SSUH2: variants seen among roughly 807,000 people sequenced by gnomAD.
The protein encoded by SSUH2 is ssu-2 homolog.
Under a neutral mutation model 55.3 loss-of-function variants are expected in SSUH2, and 47 were observed. The ratio of observed to expected loss-of-function variants is 0.85; its 90% confidence interval spans 0.67 to 1.08. SSUH2 has a LOEUF of 1.08. Among genes scored for constraint, SSUH2 ranks in the 50% least tolerant of loss-of-function variants. SSUH2 has a pLI of 0.00. For missense variants in SSUH2, 535 were observed against 490.7 expected, an observed-to-expected ratio of 1.09 and a Z score of -0.85; for synonymous variants, 212 against 191.5, an observed-to-expected ratio of 1.11 and a Z score of -0.89.
At chr3:8,678,569 A>AG (rs1191187667) in intron 2 of SSUH2, among the ~76,000 whole-genome samples, 1 of 81,366 alleles carries the variant, frequency 1.2e-5, no homozygotes, top group African/African-American at 4.5e-5. Context: ...CCAATCACAG[A>AG]GGGGGGAACA....
intron 4 of SSUH2, 88 bp from the exon 5 acceptor site, chr3:8,632,197 G>A: frequency 1.8e-6 from 2 of 1,108,296 alleles, no homozygotes; most frequent in Non-Finnish European, 2.7e-6. Flanking sequence ...ACCCTCCCAG[G>A]GCTCAGTGGG....
rs115418482 is a variant in SSUH2, at chr3:8,631,266, G to A, written c.401-337C>T. On this transcript the variant is annotated intron_variant, in intron 5 of 11. Coordinates refer to ENST00000544814, the MANE Select transcript of SSUH2 (RefSeq NM_001256748.3). Reference sequence around the variant, plus strand: ...AGATGGTAGTGAAAATTAAACGGAAGAATGTATATAAAATTGTTAGCACCA... The same window carrying A: ...AGATGGTAGTGAAAATTAAACGGAAAAATGTATATAAAATTGTTAGCACCA... 6.5e-3 allele frequency among the ~76,000 whole-genome samples: 986 copies of A among 152,288 alleles called. 9 individuals are homozygous for A. The highest frequency in any genetic ancestry group is 0.022 in the African/African-American group (928 of 41,564).
In SSUH2 at chr3:8,644,705, C is replaced by T. The variant is rs759780707; in HGVS notation, c.28+26G>A. 72 of 1,533,388 alleles carry T rather than the reference C, an allele frequency of 4.7e-5. 1 individual carries two copies. The African/African-American group carries it at 5.1e-4, about 11-fold the overall frequency. 95.0% of individuals were successfully genotyped at this position (1,533,388 alleles called of 1,614,324 possible). On this transcript the variant is annotated intron_variant, in intron 1 of 11. Coordinates refer to ENST00000544814, the MANE Select transcript of SSUH2 (RefSeq NM_001256748.3). ...GCTAAAATATCTCCACACAGTCTTCCGTGCCATCTTTGAGGCTCTACTTAC... is the reference window on the plus strand; with the variant it reads ...GCTAAAATATCTCCACACAGTCTTCTGTGCCATCTTTGAGGCTCTACTTAC...
chr3:8,642,315 C>G (rs1700987841), intron 1 of SSUH2, among the ~76,000 whole-genome samples: 2 of 152,292 alleles, frequency 1.3e-5, no homozygotes, highest in Admixed American at 1.3e-4. Context: ...GAAACAGGAT[C>G]TGGTTAGGCT....
chr3:8,680,870 G>A (rs1373093243), intron 1 of SSUH2, among the ~76,000 whole-genome samples: 1 of 151,998 alleles, frequency 6.6e-6, no homozygotes, highest in African/African-American at 2.4e-5. Flanking sequence ...GTCTATTATG[G>A]GGAGTAATAT....
Position 8,627,781 on chromosome 3 carries a change from C to T in SSUH2, c.591G>A (p.Val197=). 6.2e-7 allele frequency: 1 copy of T among 1,608,336 alleles called. No homozygotes were observed. Among genetic ancestry groups the T allele is most frequent in the Non-Finnish European group, 8.5e-7 (1 of 1,177,470 alleles). ...TGGCTCCGCAGCAGGATGGGCACCG[C>T]ACCTGCAGACACACCACTGCCTCAG... The part of the protein sequence containing the change: ...KCSGCHGAGT[V]RCPSCCGAKR... The change falls in exon 8 of 12, where the codon GTG becomes GTA. Residue 197 remains valine (V), a splice_region_variant and synonymous_variant. Coordinates refer to ENST00000544814, the MANE Select transcript of SSUH2 (RefSeq NM_001256748.3).
In SSUH2 at chr3:8,679,469, C is replaced by A. The variant is rs182457111; in HGVS notation, c.-901+236G>T. The stretch of plus-strand genomic sequence containing the variant: ...GCGGGGGGAGGCACCCCCCGGGAGG[C>A]GGGGACTGAGAACCAGCCCCTATTC... On this transcript the variant is annotated intron_variant, in intron 2 of 18. Transcript: ENST00000317371. Among the ~76,000 whole-genome samples the A allele has an allele frequency of 6.5e-3, 891 of 137,710 alleles. 12 individuals carry two copies. The highest frequency in any genetic ancestry group is 0.01 in the Non-Finnish European group (631 of 61,200). The allele number at this position is 137,710 out of a possible 152,430, so 90.3% of individuals were successfully genotyped here.
intron 9 of SSUH2, among the ~76,000 whole-genome samples, 169 bp downstream of exon 9, chr3:8,626,060 C>T (rs1365602717): frequency 6.6e-6 from 1 of 152,114 alleles, no homozygotes; most frequent in African/African-American, 2.4e-5. Flanking sequence ...CAGTCAGCAT[C>T]CCACAACCCC....
intron 7 of SSUH2, among the ~76,000 whole-genome samples, chr3:8,654,816 GGTGGCCTCTTCCCCCAAATCTCAGTGT>G (rs1702774110): frequency 6.6e-6 from 1 of 150,940 alleles, no homozygotes; most frequent in Non-Finnish European, 1.5e-5. Flanking sequence ...GATCACAGTA[GGTGGCCTCTTCCCCCAAATCTCAGTGT>G]GTGGCCTCCC....
At chr3:8,622,326 G>A (rs113418843) in intron 11 of SSUH2, among the ~76,000 whole-genome samples, 2,492 of 152,218 alleles carry the variant, frequency 0.016, 37 homozygotes, top group African/African-American at 0.039. Context: ...CCTGGCTCCC[G>A]GAATGGCTGT....
At chr3:8,634,318 G>C (rs966525910) in intron 3 of SSUH2, 1 of 1,164,796 alleles carries the variant, frequency 8.6e-7, no homozygotes, top group East Asian at 5.5e-5. Context: ...GACAGACAGG[G>C]ACCCTAACCT....
At chr3:8,640,729 A>C (rs1008406191) in intron 1 of SSUH2, among the ~76,000 whole-genome samples, 8 of 152,166 alleles carry the variant, frequency 5.3e-5, no homozygotes, top group African/African-American at 1.9e-4. Flanking sequence ...CCATTGAAAA[A>C]ATATTTGGGG....
intron 7 of SSUH2, among the ~76,000 whole-genome samples, chr3:8,650,439 G>A (rs73812745): frequency 0.022 from 3,333 of 152,290 alleles, 114 homozygotes; most frequent in African/African-American, 0.073. Flanking sequence ...ATGAATGAAT[G>A]AATAAATAAA....
Position 8,635,795 on chromosome 3 carries a change from T to C in SSUH2, c.91A>G (p.Arg31Gly). 1.3e-6 allele frequency: 2 copies of C among 1,535,826 alleles called. No individual in the cohort carries two copies. Among genetic ancestry groups the C allele is most frequent in the Non-Finnish European group, 1.7e-6 (2 of 1,146,790 alleles). The change falls in exon 2 of 12, where the codon AGA becomes GGA. Residue 31 changes from arginine (R) to glycine (G), a missense_variant. Transcript: ENST00000544814. Reference sequence around the variant, plus strand: ...AGAAGCCAGTCATAGCTGGGCAGTCTCTCCAGGAGCTCTGTGGGGGGCGCC... The same window carrying C: ...AGAAGCCAGTCATAGCTGGGCAGTCCCTCCAGGAGCTCTGTGGGGGGCGCC... ...PLAPPTELLE[R>G]LPSYDWLLQG...
At chr3:8,633,821 G>A (rs1362886053) in intron 3 of SSUH2, 26 bp from the exon 4 acceptor site, 9 of 1,613,116 alleles carry the variant, frequency 5.6e-6, no homozygotes, top group African/African-American at 5.3e-5. Flanking sequence ...CAGAGAGGCG[G>A]GGGCTTCTGG....
In SSUH2 at chr3:8,625,555, T is replaced by C. The variant is rs1454000422; in HGVS notation, c.860A>G (p.Asp287Gly). ...ATGCCCTCTTACCACCGAGTTTTCA[T>C]CCTTAAAGAGGTTTTCTCCTTTGGC... ...AKAKGENLFKDENSVVYPIVD... is the reference protein window; with the variant it reads ...AKAKGENLFKGENSVVYPIVD... The change falls in exon 10 of 12, where the codon GAT (aspartate) becomes GGT (glycine). Residue 287 changes from aspartate to glycine, a missense_variant. Coordinates refer to ENST00000544814, the MANE Select transcript of SSUH2 (RefSeq NM_001256748.3). 6.2e-7 allele frequency: 1 copy of C among 1,612,660 alleles called. No homozygotes were observed. The highest frequency in any genetic ancestry group is 1.1e-5 in the South Asian group (1 of 90,988).
At chr3:8,650,749 T>C (rs961315806) in intron 7 of SSUH2, among the ~76,000 whole-genome samples, 2 of 152,156 alleles carry the variant, frequency 1.3e-5, no homozygotes, top group Non-Finnish European at 2.9e-5. Flanking sequence ...ATCCCCGTGG[T>C]TGGAAAACTG....
intron 5 of SSUH2, among the ~76,000 whole-genome samples, chr3:8,670,798 T>C (rs955039757): frequency 1.3e-5 from 2 of 152,000 alleles, no homozygotes; most frequent in Non-Finnish European, 2.9e-5. Context: ...TATCACAGGG[T>C]ATACATCCCC....
Position 8,676,882 on chromosome 3 carries a change from G to A in SSUH2, c.-753+324C>T, listed in dbSNP as rs1436340193. ...CATCGCAGGGGAGGAGGCATCCCCC[G>A]TGAGGCGGGGACAGAGAGCCAGCCC... On this transcript the variant is annotated intron_variant, in intron 3 of 18. Transcript: ENST00000317371. Among the ~76,000 whole-genome samples the A allele has an allele frequency of 1.2e-4, 16 of 128,306 alleles. 1 individual carries two copies. Among genetic ancestry groups the A allele is most frequent in the Non-Finnish European group, 2.3e-4 (14 of 61,440 alleles). 84.2% of individuals were successfully genotyped at this position (128,306 alleles called of 152,430 possible).
Sources: gnomAD v4.1 joint callset for allele counts (sites outside exome capture counted in the v4.1 genomes callset) on GRCh38, gnomAD v4.1.1 for gene constraint, MANE v1.5 for transcripts, NCBI Gene and HGNC (gene_info 2026-07-23, HGNC 2026-07-21) for gene names.